SBF1: variants seen among roughly 807,000 people sequenced by gnomAD.
SBF1 encodes the protein myotubularin-related protein 5.
A neutral mutation model predicts 215.8 loss-of-function variants in SBF1; 65 were observed. The observed-to-expected ratio is 0.30, with a 90% CI of 0.25 to 0.37. The LOEUF (loss-of-function observed/expected upper bound fraction) is 0.37. SBF1 is among the 10% of genes least tolerant of loss of function. The probability of loss-of-function intolerance (pLI) is 1.00; values close to 1 mark genes in which losing one functional copy is unlikely to be tolerated. For synonymous variants in SBF1, 1,410 were observed against 1,122.8 expected (o/e 1.26, Z -5.11); for missense variants, 2,634 against 2,667.8 (o/e 0.99, Z 0.28).
At chr22:50,466,835 G>A in intron 5 of SBF1, 125 bp from the exon 6 acceptor site, 3 of 651,122 alleles carry the variant, frequency 4.6e-6, no homozygotes, top group East Asian at 5.8e-5. Context: ...TGGCTGGGAT[G>A]GGCAACATGG....
At chr22:50,451,288 T>C (rs780857764) in intron 36 of SBF1, among the ~76,000 whole-genome samples, 1 of 151,658 alleles carries the variant, frequency 6.6e-6, no homozygotes. Flanking sequence ...CGGGCTGCAG[T>C]GAGCCATGAC....
chr22:50,460,508 G>T lies in SBF1; in HGVS notation c.3146+26C>A, dbSNP rs772023008. The T allele has an allele frequency of 1.4e-5, 22 of 1,611,866 alleles. No homozygotes were observed. In the South Asian group the frequency reaches 2.1e-4, roughly 15 times the overall value. Reference sequence around the variant, plus strand: ...GCGGGAACACGGCTGAGGCCCAGCTGCCCTGCCTGGGACCCAGATCCATAC... The same window carrying T: ...GCGGGAACACGGCTGAGGCCCAGCTTCCCTGCCTGGGACCCAGATCCATAC... On this transcript the variant is annotated intron_variant, in intron 24 of 40. Transcript: ENST00000380817.
chr22:50,474,637 C>T (rs1373373953), intron 1 of SBF1, 149 bp downstream of exon 1: 3 of 545,510 alleles, frequency 5.5e-6, no homozygotes, highest in Non-Finnish European at 8.6e-6. Flanking sequence ...GTCCTCGGCC[C>T]TCAGCGCCCG....
At chr22:50,462,789 C>CA in intron 17 of SBF1, 72 bp from the exon 18 acceptor site, 1 of 1,608,908 alleles carries the variant, frequency 6.2e-7, no homozygotes, top group Non-Finnish European at 8.5e-7. Flanking sequence ...CCTCGGCCAC[C>CA]AGGAAGGGGG....
rs772336829 is a variant in SBF1, at chr22:50,447,232, T to A, written c.5592A>T (p.Thr1864=). ...CACAGAAGTTGTAAACGCGACGCGT[T>A]GTCTTCACCTGGGGAAGGGCGGGTT... ...VDEKAFFDVK[T]TRRVYNFCAQ... Residue 1864 remains threonine (T), a synonymous_variant, in exon 41 of 41, where the codon ACA becomes ACT. Coordinates refer to ENST00000380817, the MANE Select transcript of SBF1 (RefSeq NM_002972.4). 6.2e-7 allele frequency: 1 copy of A among 1,613,950 alleles called. No homozygotes were observed. Among genetic ancestry groups the A allele is most frequent in the African/African-American group, 1.3e-5 (1 of 75,046 alleles).
Position 50,461,986 on chromosome 22 carries a change from T to C in SBF1, c.2530A>G (p.Thr844Ala), listed in dbSNP as rs1476089917. ...VDKVCTESGV[T>A]SDHLKGLHVM... is the part of the protein sequence containing the mutation. ...TGCAGCCCCTTGAGGTGGTCGCTGG[T>C]GACCCCACTCTCCGTGCAGACCTTG... Residue 844 changes from threonine (T) to alanine (A), a missense_variant, in exon 20 of 41, where the codon ACC becomes GCC. Physicochemically the swap from Thr to Ala is moderately conservative, Grantham distance 58. Coordinates refer to ENST00000380817, the MANE Select transcript of SBF1 (RefSeq NM_002972.4). The C allele has an allele frequency of 1.2e-6, 2 of 1,614,216 alleles. No individual in the cohort carries two copies. Among genetic ancestry groups the C allele is most frequent in the Admixed American group, 3.3e-5 (2 of 60,024 alleles).
chr22:50,460,248 A>G lies in SBF1; in HGVS notation c.3283+24T>C, dbSNP rs763130712. The G allele has an allele frequency of 7.5e-6, 12 of 1,601,716 alleles. No homozygotes were observed. The Admixed American group carries it at 2.0e-4, about 27-fold the overall frequency. On this transcript the variant is annotated intron_variant, in intron 25 of 40. Coordinates refer to ENST00000380817, the MANE Select transcript of SBF1 (RefSeq NM_002972.4). ...CAATGTCAGCATCCAGAGACCACCCAGGACTCCACCCCCACCCCTCCACCT... is the reference window on the plus strand; with the variant it reads ...CAATGTCAGCATCCAGAGACCACCCGGGACTCCACCCCCACCCCTCCACCT...
chr22:50,456,788 C>T (rs2067271123), intron 29 of SBF1, 115 bp from the exon 30 acceptor site: 6 of 945,450 alleles, frequency 6.3e-6, no homozygotes, highest in Non-Finnish European at 9.3e-6. Flanking sequence ...GGGTGGTTGG[C>T]AGGACCCCAG....
chr22:50,458,556 T>C lies in SBF1; in HGVS notation c.3826+699A>G, dbSNP rs190113301. 4.2e-3 allele frequency among the ~76,000 whole-genome samples: 646 copies of C among 152,042 alleles called. 6 individuals carry two copies. The highest frequency in any genetic ancestry group is 0.012 in the African/African-American group (516 of 41,468). On this transcript the variant is annotated intron_variant, in intron 28 of 40. Transcript: ENST00000380817. Reference sequence around the variant, plus strand: ...GTGGGAAGGCAGCAAGACAGGGCGATTGTAAAATGTAAGTATATAATGTGG... The same window carrying C: ...GTGGGAAGGCAGCAAGACAGGGCGACTGTAAAATGTAAGTATATAATGTGG...
Position 50,462,612 on chromosome 22 carries a change from T to C in SBF1, c.2074A>G (p.Thr692Ala). ...WEAMFYGDVQ[T>A]HIRALYLEPT... ...TCCAGGTAGAGGGCCCGGATGTGAG[T>C]CTGCACATCCCCATAGAACATGGCC... is the stretch of plus-strand genomic sequence containing the variant. The change falls in exon 18 of 41, where the codon ACT (threonine) becomes GCT (alanine). Residue 692 changes from threonine to alanine, a missense_variant. Physicochemically the swap from Thr to Ala is moderately conservative, Grantham distance 58. Transcript: ENST00000380817. The C allele has an allele frequency of 1.2e-6, 2 of 1,612,464 alleles. No homozygotes were observed. The highest frequency in any genetic ancestry group is 8.5e-7 in the Non-Finnish European group (1 of 1,179,716).
rs1462436517 is a variant in SBF1, at chr22:50,466,606, T to C, written c.654A>G (p.Leu218=). Residue 218 remains leucine, a splice_region_variant and synonymous_variant, in exon 6 of 41, where the codon CTA becomes CTG. Transcript: ENST00000380817. ...CGGGGGTGGGACAGACAGGCTCACC[T>C]AGCTGGCGGAAGAGCAGGGCCACGC... ...RCSVALLFRQ[L]GITNVLSLFC... 2 of 1,549,340 alleles carry C rather than the reference T, an allele frequency of 1.3e-6. No individual in the cohort carries two copies. The highest frequency in any genetic ancestry group is 1.7e-6 in the Non-Finnish European group (2 of 1,145,426).
In SBF1 at chr22:50,458,491, C is replaced by G. The variant is rs541256671; in HGVS notation, c.3826+764G>C. Among the ~76,000 whole-genome samples, 757 of 151,944 alleles carry G rather than the reference C, an allele frequency of 5.0e-3. 5 individuals carry two copies. The highest frequency in any genetic ancestry group is 0.018 in the African/African-American group (734 of 41,402). On this transcript the variant is annotated intron_variant, in intron 28 of 40. Transcript: ENST00000380817. ...AGCACAGGCATGGGGGGTGCAGGGG[C>G]GGCCCCACCTGCAAATGCCACTCAG...
chr22:50,456,453 G>GGCCCCCCCCCCCCC, intron 30 of SBF1, 39 bp downstream of exon 30: 3 of 1,520,046 alleles, frequency 2.0e-6, no homozygotes, highest in East Asian at 2.4e-5. Context: ...CCCCTGCCGA[G>GGCCCCCCCCCCCCC]CCCCCACCCT....
rs149528827 is a variant in SBF1, at chr22:50,464,600, T to A, written c.1570A>T (p.Met524Leu). ...TTCACAGCTGGGGGTGCACCCTGCA[T>A]CTTGGCTGCAGCCTGGTCCACGATC... ...QWIVDQAAAK[M>L]QGAPPAVKAE... Residue 524 changes from methionine to leucine, a missense_variant, in exon 14 of 41, where the codon ATG becomes TTG. Physicochemically the swap from Met to Leu is conservative, Grantham distance 15. Coordinates refer to ENST00000380817, the MANE Select transcript of SBF1 (RefSeq NM_002972.4). 2,320 of 1,611,904 alleles carry A rather than the reference T, an allele frequency of 1.4e-3. 28 individuals carry two copies. In the African/African-American group the frequency reaches 0.027, roughly 19 times the overall value.
intron 28 of SBF1, among the ~76,000 whole-genome samples, chr22:50,458,565 G>GT (rs2148580550): frequency 6.6e-6 from 1 of 152,350 alleles, no homozygotes; most frequent in South Asian, 2.1e-4. Flanking sequence ...ATTGTAAAAT[G>GT]TAAGTATATA....
Position 50,462,189 on chromosome 22 carries a change from C to T in SBF1, c.2396+16G>A. 1 of 1,604,028 alleles carries T rather than the reference C, an allele frequency of 6.2e-7. No individual in the cohort carries two copies. The highest frequency in any genetic ancestry group is 8.5e-7 in the Non-Finnish European group (1 of 1,179,398). On this transcript the variant is annotated intron_variant, in intron 19 of 40. Transcript: ENST00000380817. ...GCCCCGCCTCCACTGGGCCCAACCC[C>T]CAGTCCCTGCCTCACCTGTTGGTGA...
intron 1 of SBF1, 96 bp downstream of exon 1, chr22:50,474,689 GC>G: frequency 3.9e-6 from 4 of 1,032,618 alleles, no homozygotes; most frequent in South Asian, 1.6e-5. Flanking sequence ...CCAGCCCTCG[GC>G]CCCCAGCCCC....
At chr22:50,459,208 C>G (rs756382303) in intron 28 of SBF1, 47 bp downstream of exon 28, 2 of 1,563,978 alleles carry the variant, frequency 1.3e-6, no homozygotes. Context: ...GCCACCACGG[C>G]CCCCCAAAGT....
intron 36 of SBF1, among the ~76,000 whole-genome samples, chr22:50,449,213 C>T (rs2066949904): frequency 6.6e-6 from 1 of 151,574 alleles, no homozygotes; most frequent in African/African-American, 2.4e-5. Context: ...TTCAACACTG[C>T]AGGGTCCACA....
Sources: allele counts gnomAD v4.1 joint callset (sites outside exome capture counted in the v4.1 genomes callset), GRCh38; gene constraint gnomAD v4.1.1; transcripts MANE v1.5; gene names NCBI Gene and HGNC (gene_info 2026-07-23, HGNC 2026-07-21).